The following LARP4B variants were observed in gnomAD, a reference collection of about 807,000 sequenced individuals.
LARP4B encodes the protein La ribonucleoprotein 4B.
Under a neutral mutation model 89.8 loss-of-function variants are expected in LARP4B, and 12 were observed. That is an observed-to-expected ratio of 0.13 (90% CI 0.09 to 0.22). The LOEUF is 0.22. LARP4B is among the 10% of genes least tolerant of loss of function. LARP4B has a pLI of 1.00. For synonymous variants in LARP4B, 367 were observed against 363.3 expected, an observed-to-expected ratio of 1.01 and a Z score of -0.12; for missense variants, 757 against 947.7, an observed-to-expected ratio of 0.80 and a Z score of 2.64.
At chr10:956,235 C>G in the LARP4B span, among the ~76,000 whole-genome samples, 2 of 152,172 alleles carry the variant, frequency 1.3e-5, no homozygotes, top group Non-Finnish European at 2.9e-5. The surrounding 1 kb of genome is among the most constrained non-coding windows in gnomAD (Gnocchi z 4.3). Context: ...GGACGGACAC[C>G]ACAAACTACA....
At chr10:908,639 C>T (rs116996161) in intron 1 of LARP4B, among the ~76,000 whole-genome samples, 1 of 152,334 alleles carries the variant, frequency 6.6e-6, no homozygotes, top group East Asian at 1.9e-4. Flanking sequence ...GGGGAGAAAT[C>T]CCCGCACATT....
chr10:929,712 T>C (rs117724916), intron 1 of LARP4B, among the ~76,000 whole-genome samples: 2,658 of 152,192 alleles, frequency 0.017, 30 homozygotes, highest in Non-Finnish European at 0.027. Flanking sequence ...CCTGTTACAA[T>C]TGAGAAAATG....
intron 1 of LARP4B, among the ~76,000 whole-genome samples, chr10:911,579 T>C (rs1309382637): frequency 6.6e-6 from 1 of 152,228 alleles, no homozygotes; most frequent in East Asian, 1.9e-4. Flanking sequence ...TCCACACTTC[T>C]ACTCCTTCTT....
chr10:891,844 A>G (rs1172117601), intron 1 of LARP4B, among the ~76,000 whole-genome samples: 3 of 152,246 alleles, frequency 2.0e-5, no homozygotes, highest in Non-Finnish European at 4.4e-5. Context: ...CACCTCATTT[A>G]AACAGTTAAT....
chr10:854,585 T>C (rs1486985072), intron 5 of LARP4B, among the ~76,000 whole-genome samples: 1 of 152,180 alleles, frequency 6.6e-6, no homozygotes, highest in Non-Finnish European at 1.5e-5. Flanking sequence ...TGTTTTTTTT[T>C]TTCCTGAGCA....
intron 5 of LARP4B, among the ~76,000 whole-genome samples, chr10:862,537 G>T (rs542028663): frequency 6.6e-6 from 1 of 152,294 alleles, no homozygotes; most frequent in East Asian, 1.9e-4. Flanking sequence ...GAGGCGGGCA[G>T]ATCACAAGGT....
chr10:842,892 T>G lies in LARP4B; in HGVS notation c.646+40A>C, dbSNP rs751710043. On this transcript the variant is annotated intron_variant, in intron 7 of 17. Coordinates refer to ENST00000316157, the MANE Select transcript of LARP4B (RefSeq NM_015155.3). ...GTTCATGCTGATAAGACAAATACTCTAAGGACAAGTATTATTAATTTAAAT... is the reference window on the plus strand; with the variant it reads ...GTTCATGCTGATAAGACAAATACTCGAAGGACAAGTATTATTAATTTAAAT... 8.5e-5 allele frequency: 134 copies of G among 1,578,220 alleles called. No homozygotes were observed. In the Middle Eastern group the frequency reaches 1.0e-3, roughly 12 times the overall value.
chr10:838,926 C>T (rs892089415), intron 7 of LARP4B, among the ~76,000 whole-genome samples: 2 of 152,062 alleles, frequency 1.3e-5, no homozygotes, highest in Admixed American at 1.3e-4. Context: ...ACTATTATTC[C>T]ACACTAAAAA....
the LARP4B span, among the ~76,000 whole-genome samples, chr10:962,154 G>C: frequency 1.3e-5 from 2 of 152,022 alleles, no homozygotes; most frequent in South Asian, 4.2e-4. Flanking sequence ...AAATTAGCCA[G>C]GTGTGGTAGC....
chr10:956,320 C>A, the LARP4B span, among the ~76,000 whole-genome samples: 1 of 152,028 alleles, frequency 6.6e-6, no homozygotes, highest in Non-Finnish European at 1.5e-5. The surrounding 1 kb of genome is among the most constrained non-coding windows in gnomAD (Gnocchi z 4.3). Flanking sequence ...GGGGTTCAAG[C>A]AGTGTTGTCT....
the LARP4B span, among the ~76,000 whole-genome samples, chr10:969,753 A>G: frequency 6.6e-6 from 1 of 152,114 alleles, no homozygotes; most frequent in East Asian, 1.9e-4. Flanking sequence ...GAAAATTAGG[A>G]GAAAAAGAAC....
intron 13 of LARP4B, among the ~76,000 whole-genome samples, chr10:823,303 C>T (rs1832450838): frequency 6.6e-6 from 1 of 152,134 alleles, no homozygotes; most frequent in Non-Finnish European, 1.5e-5. Context: ...GGTGGGAGGA[C>T]AGTTGTCCTC....
chr10:840,262 C>T (rs890420530), intron 7 of LARP4B, among the ~76,000 whole-genome samples: 1 of 152,156 alleles, frequency 6.6e-6, no homozygotes, highest in Non-Finnish European at 1.5e-5. Flanking sequence ...TCCATACAGG[C>T]AGGGGTGACA....
chr10:940,240 C>T, the LARP4B span, among the ~76,000 whole-genome samples: 1 of 152,162 alleles, frequency 6.6e-6, no homozygotes, highest in Non-Finnish European at 1.5e-5. Flanking sequence ...TGGTCTCAAA[C>T]TCTTGACCTC....
At chr10:916,994 G>A (rs1428452711) in intron 1 of LARP4B, among the ~76,000 whole-genome samples, 1 of 152,112 alleles carries the variant, frequency 6.6e-6, no homozygotes, top group Non-Finnish European at 1.5e-5. Flanking sequence ...CACTGCGCCA[G>A]GTGGTAAGTA....
At position 817,868 on chromosome 10, in the gene LARP4B, T is replaced by C. The variant is rs749040036; in HGVS notation, c.1552A>G (p.Thr518Ala). The change falls in exon 15 of 18, where the codon ACG (threonine) becomes GCG (alanine). Residue 518 changes from threonine to alanine, a missense_variant. Thr to Ala is a moderately conservative substitution (Grantham distance 58, BLOSUM62 0). Coordinates refer to ENST00000316157, the MANE Select transcript of LARP4B (RefSeq NM_015155.3). ...CTTGGCGACGGAGGCTTTGGTGGCGTTGGAGACTGTGTCTGGCTGCTCTGC... is the reference window on the plus strand; with the variant it reads ...CTTGGCGACGGAGGCTTTGGTGGCGCTGGAGACTGTGTCTGGCTGCTCTGC... Reference protein sequence around the residue: ...KFTSSQTQSPTPPKPPSPSFE... With the variant: ...KFTSSQTQSPAPPKPPSPSFE... The C allele has an allele frequency of 1.9e-5, 31 of 1,613,860 alleles. 3 individuals are homozygous for C. In the South Asian group the frequency reaches 2.5e-4, roughly 13 times the overall value.
At chr10:829,111 A>G (rs2131656860) in intron 11 of LARP4B, among the ~76,000 whole-genome samples, 1 of 152,292 alleles carries the variant, frequency 6.6e-6, no homozygotes, top group East Asian at 1.9e-4. Flanking sequence ...GACGCCAGGT[A>G]CACTACAGCA....
At chr10:911,465 C>T (rs1390982771) in intron 1 of LARP4B, among the ~76,000 whole-genome samples, 1 of 152,094 alleles carries the variant, frequency 6.6e-6, no homozygotes, top group Non-Finnish European at 1.5e-5. Flanking sequence ...TGCTTCCTGT[C>T]TTGTTGGTAT....
chr10:934,138 T>G (rs1054871029), upstream of LARP4B, among the ~76,000 whole-genome samples: 1 of 151,742 alleles, frequency 6.6e-6, no homozygotes, highest in African/African-American at 2.4e-5. Flanking sequence ...GGCTGGTAGG[T>G]TAAACTTCAA....
Sources: gnomAD v4.1 joint callset for allele counts (sites outside exome capture counted in the v4.1 genomes callset) on GRCh38, gnomAD v4.1.1 for gene constraint, Gnocchi (gnomAD v3.1) non-coding constraint, MANE v1.5 for transcripts, NCBI Gene and HGNC (gene_info 2026-07-23, HGNC 2026-07-21) for gene names.